Variants in CUX1 observed in about 807,000 individuals in gnomAD.
CUX1 encodes the protein protein CASP.
CUX1 carries 31 observed loss-of-function variants against 158.8 expected under a neutral mutation model. The observed-to-expected ratio is 0.20, with a 90% CI of 0.15 to 0.26. The LOEUF (loss-of-function observed/expected upper bound fraction) is 0.26, where lower values mean the gene tolerates loss of function less well. CUX1 is among the 10% of genes least tolerant of loss of function. CUX1 has a pLI of 1.00. For synonymous variants in CUX1, 879 were observed against 862.1 expected (o/e 1.02, Z -0.34); for missense variants, 1,589 against 2,014.6 (o/e 0.79, Z 4.04).
chr7:101,989,359 G>T (rs535934564), intron 2 of CUX1, among the ~76,000 whole-genome samples: 217 of 152,368 alleles, frequency 1.4e-3, no homozygotes, highest in Middle Eastern at 3.4e-3. Flanking sequence ...GTGTGCCGAG[G>T]CTCGGCGTGC....
chr7:102,107,820 A>G (rs782773346), intron 6 of CUX1, among the ~76,000 whole-genome samples: 64 of 152,280 alleles, frequency 4.2e-4, no homozygotes, highest in Non-Finnish European at 7.9e-4. Context: ...CGTCTGCTCC[A>G]TTGTGGCCAC....
intron 1 of CUX1, among the ~76,000 whole-genome samples, chr7:101,848,051 C>CA (rs57428019): frequency 0.018 from 1,191 of 65,142 alleles, 19 homozygotes; most frequent in South Asian, 0.041. Context: ...GAGCAAGACT[C>CA]AAAAAAAAAA....
rs138109115 is a variant in CUX1, at chr7:102,003,105, G to A, written c.142-24993G>A. ...TTAGTAGAGACAGGGTTTCGTGTTG[G>A]CCAGGCTCGTCTCAAACTCCTGACC... On this transcript the variant is annotated intron_variant, in intron 2 of 23. Transcript: ENST00000292535. 9.8e-3 allele frequency among the ~76,000 whole-genome samples: 1,490 copies of A among 152,024 alleles called. 9 individuals carry two copies. The highest frequency in any genetic ancestry group is 0.019 in the South Asian group (91 of 4,810).
rs911046186 is a variant in CUX1 at position 101,876,697 on chromosome 7, A to C, written c.31-39418A>C. On this transcript the variant is annotated intron_variant, in intron 1 of 23. Transcript: ENST00000292535. ...CAACATAGCAAAACTCCGTCTAAAA[A>C]AAAAAAGAAAAATGAAAAAGAAAAT... Among the ~76,000 whole-genome samples the C allele has an allele frequency of 2.6e-5, 4 of 152,200 alleles. 1 individual carries two copies. The highest frequency in any genetic ancestry group is 1.3e-4 in the Admixed American group (2 of 15,280).
chr7:101,952,208 C>A (rs1439774506), intron 2 of CUX1, among the ~76,000 whole-genome samples: 4 of 152,070 alleles, frequency 2.6e-5, no homozygotes, highest in Non-Finnish European at 4.4e-5. Flanking sequence ...CATAGCGAGA[C>A]CCCGTCTCTA....
intron 3 of CUX1, among the ~76,000 whole-genome samples, chr7:102,056,438 T>C (rs1281121131): frequency 2.0e-5 from 3 of 152,184 alleles, no homozygotes; most frequent in African/African-American, 7.2e-5. Context: ...CCTAGGGCCT[T>C]CAGAATTAAG....
chr7:102,097,335 G>C (rs1829302748), intron 4 of CUX1, 29 bp from the exon 5 acceptor site: 1 of 1,593,142 alleles, frequency 6.3e-7, no homozygotes, highest in African/African-American at 1.4e-5. Context: ...CTGGCCGAGT[G>C]GGGTGATGGC....
chr7:101,981,554 C>T (rs556234512), intron 2 of CUX1, among the ~76,000 whole-genome samples: 1 of 152,246 alleles, frequency 6.6e-6, no homozygotes, highest in Admixed American at 6.5e-5. Context: ...AATGATATCC[C>T]AGGCATTCCC....
intron 8 of CUX1, among the ~76,000 whole-genome samples, chr7:102,135,298 G>GT (rs1179887852): frequency 3.3e-5 from 5 of 152,160 alleles, no homozygotes; most frequent in Non-Finnish European, 5.9e-5. Context: ...AAAAGAAAAT[G>GT]TTAAGAAATC....
intron 6 of CUX1, among the ~76,000 whole-genome samples, chr7:102,107,296 TG>T (rs1554488771): frequency 6.6e-6 from 1 of 152,084 alleles, no homozygotes. Flanking sequence ...CCCAGCACTT[TG>T]GGAGGGTGAG....
At chr7:101,821,924 G>A (rs1178796228) in intron 1 of CUX1, among the ~76,000 whole-genome samples, 2 of 141,570 alleles carry the variant, frequency 1.4e-5, no homozygotes, top group East Asian at 2.1e-4. Context: ...GCGCGATCTC[G>A]GCTCACTGCA....
chr7:101,895,230 A>G (rs1801344821), intron 1 of CUX1, among the ~76,000 whole-genome samples: 1 of 152,180 alleles, frequency 6.6e-6, no homozygotes, highest in African/African-American at 2.4e-5. Flanking sequence ...CATTTTGGCC[A>G]GGCTGGTCTT....
chr7:101,886,167 C>G (rs755655232), intron 1 of CUX1, among the ~76,000 whole-genome samples: 4 of 152,042 alleles, frequency 2.6e-5, no homozygotes, highest in African/African-American at 4.8e-5. Flanking sequence ...TCTCAGTGAC[C>G]CTACAGGGTC....
At chr7:102,165,083 A>G (rs1306379022) in intron 9 of CUX1, among the ~76,000 whole-genome samples, 1 of 152,114 alleles carries the variant, frequency 6.6e-6, no homozygotes, top group Non-Finnish European at 1.5e-5. Context: ...GCCTCCCAAG[A>G]GAATTCCTAA....
chr7:101,969,477 A>T (rs1201212182), intron 2 of CUX1, among the ~76,000 whole-genome samples: 1 of 152,016 alleles, frequency 6.6e-6, no homozygotes, highest in Non-Finnish European at 1.5e-5. Flanking sequence ...TGACCAAATC[A>T]TACATTTTGA....
chr7:101,966,925 C>G (rs1303291160), intron 2 of CUX1, among the ~76,000 whole-genome samples: 1 of 152,166 alleles, frequency 6.6e-6, no homozygotes, highest in Non-Finnish European at 1.5e-5. Context: ...CAGGACACCC[C>G]CATCCAAGAG....
At chr7:101,884,062 T>C (rs904157924) in intron 1 of CUX1, among the ~76,000 whole-genome samples, 1 of 151,848 alleles carries the variant, frequency 6.6e-6, no homozygotes, top group African/African-American at 2.4e-5. Flanking sequence ...CCAGGCTAAG[T>C]TTTAAAATTT....
chr7:102,267,083 G>A (rs377250302), intron 14 of CUX1, among the ~76,000 whole-genome samples: 10 of 152,038 alleles, frequency 6.6e-5, no homozygotes, highest in South Asian at 2.1e-4. Context: ...CGGCTGGGGG[G>A]GCTCAGTGGT....
chr7:101,895,913 T>TTTTG lies in CUX1; in HGVS notation c.31-20199_31-20198insGTTT, dbSNP rs1554408162. On this transcript the variant is annotated intron_variant, in intron 1 of 23. Transcript: ENST00000292535. ...AAAGTTTTTTTTTTGTTTTTGTTTT[T>TTTTG]TTTTTTTTTTTTTGGAGACAGGGTC... 5.8e-4 allele frequency among the ~76,000 whole-genome samples: 71 copies of TTTTG among 121,758 alleles called. 2 individuals are homozygous for TTTTG. The highest frequency in any genetic ancestry group is 2.1e-3 in the African/African-American group (69 of 32,470). 79.9% of individuals were successfully genotyped at this position (121,758 alleles called of 152,430 possible).
Sources: gnomAD v4.1 joint callset for allele counts (sites outside exome capture counted in the v4.1 genomes callset) on GRCh38, gnomAD v4.1.1 for gene constraint, MANE v1.5 for transcripts, NCBI Gene and HGNC (gene_info 2026-07-23, HGNC 2026-07-21) for gene names.